The following BMPR1B variants were observed in gnomAD, a reference collection of about 807,000 sequenced individuals.
The protein encoded by BMPR1B is bone morphogenetic protein receptor type 1B, also known as bone morphogenetic protein receptor type-1B.
BMPR1B carries 12 observed loss-of-function variants against 59.1 expected under a neutral mutation model. The ratio of observed to expected loss-of-function variants is 0.20; its 90% CI spans 0.13 to 0.33. The LOEUF is 0.33. Among genes scored for constraint, BMPR1B ranks in the 10% least tolerant of loss-of-function variants. BMPR1B has a pLI of 1.00. For missense variants in BMPR1B, 550 were observed against 610.9 expected (o/e 0.90, Z 1.05); for synonymous variants, 237 against 207.3 (o/e 1.14, Z -1.23).
At chr4:94,784,360 A>T (rs1722691167) in intron 1 of BMPR1B, among the ~76,000 whole-genome samples, 1 of 152,152 alleles carries the variant, frequency 6.6e-6, no homozygotes, top group Admixed American at 6.5e-5. Flanking sequence ...TGTTCCTTGA[A>T]AGTTTGATAG....
chr4:94,790,508 T>G (rs1211305815), intron 1 of BMPR1B, among the ~76,000 whole-genome samples: 1 of 152,164 alleles, frequency 6.6e-6, no homozygotes, highest in African/African-American at 2.4e-5. Flanking sequence ...TCTTGCTGCC[T>G]TCTCCCTTTT....
intron 3 of BMPR1B, chr4:95,103,328 T>C (rs1387378516): frequency 1.1e-5 from 4 of 363,266 alleles, no homozygotes; most frequent in East Asian, 3.3e-4. Flanking sequence ...GCATATCTTA[T>C]ACTTCTGACC....
At chr4:94,941,250 C>T (rs1003043266) in intron 2 of BMPR1B, among the ~76,000 whole-genome samples, 26 of 151,302 alleles carry the variant, frequency 1.7e-4, no homozygotes, top group African/African-American at 5.3e-4. Context: ...GCCAGCATAG[C>T]GAAACCCCAT....
intron 1 of BMPR1B, among the ~76,000 whole-genome samples, chr4:94,855,633 C>G (rs1725726234): frequency 6.6e-6 from 1 of 152,172 alleles, no homozygotes; most frequent in African/African-American, 2.4e-5. Context: ...AAGGGAAAGC[C>G]TGTTTCTAAG....
At chr4:95,080,214 TTATG>T (rs535176092) in intron 3 of BMPR1B, among the ~76,000 whole-genome samples, 2 of 152,128 alleles carry the variant, frequency 1.3e-5, no homozygotes, top group African/African-American at 2.4e-5. Context: ...TTAAAATATT[TTATG>T]TATGTATGTA....
chr4:94,868,927 C>CT (rs1463019182), intron 1 of BMPR1B, among the ~76,000 whole-genome samples: 1 of 152,084 alleles, frequency 6.6e-6, no homozygotes, highest in Non-Finnish European at 1.5e-5. Flanking sequence ...TATGGCACTG[C>CT]TTATTTGCAT....
chr4:94,828,755 C>T (rs1455007696), intron 1 of BMPR1B, among the ~76,000 whole-genome samples: 1 of 152,062 alleles, frequency 6.6e-6, no homozygotes, highest in African/African-American at 2.4e-5. Context: ...CACCCCAAAC[C>T]TATTGAATTA....
chr4:94,945,888 A>G (rs1046906290), intron 2 of BMPR1B, among the ~76,000 whole-genome samples: 1 of 152,208 alleles, frequency 6.6e-6, no homozygotes, highest in African/African-American at 2.4e-5. Flanking sequence ...AAAAATTAAT[A>G]CTGTGATGTG....
intron 3 of BMPR1B, among the ~76,000 whole-genome samples, chr4:95,070,576 T>C (rs1179514056): frequency 6.6e-6 from 1 of 152,014 alleles, no homozygotes; most frequent in Non-Finnish European, 1.5e-5. Context: ...GTCAGTTGAG[T>C]GTGTTGGCCT....
intron 1 of BMPR1B, among the ~76,000 whole-genome samples, chr4:94,847,284 A>C (rs993920668): frequency 6.6e-6 from 1 of 152,242 alleles, no homozygotes; most frequent in Non-Finnish European, 1.5e-5. Context: ...ACAGGCAGTA[A>C]CAAATGCTGT....
chr4:94,969,830 A>G (rs1730704079), intron 2 of BMPR1B, among the ~76,000 whole-genome samples: 1 of 152,190 alleles, frequency 6.6e-6, no homozygotes, highest in African/African-American at 2.4e-5. Flanking sequence ...TATTTGCCTA[A>G]GAAGTATTTG....
At chr4:94,975,852 T>C (rs1731013959) in intron 2 of BMPR1B, among the ~76,000 whole-genome samples, 1 of 152,252 alleles carries the variant, frequency 6.6e-6, no homozygotes. Context: ...TTCTGTGACA[T>C]TTCCCACATA....
At chr4:94,897,941 CTTT>C (rs869186341) in intron 2 of BMPR1B, among the ~76,000 whole-genome samples, 12 of 90,334 alleles carry the variant, frequency 1.3e-4, no homozygotes, top group South Asian at 3.9e-4. Flanking sequence ...AATTCTTTTC[CTTT>C]TTTTTTTTTT....
intron 3 of BMPR1B, among the ~76,000 whole-genome samples, chr4:95,068,596 A>G (rs1728032044): frequency 6.6e-6 from 1 of 152,210 alleles, no homozygotes; most frequent in Non-Finnish European, 1.5e-5. Context: ...TTAATGGCCC[A>G]TGAAAGCAGA....
chr4:94,819,327 A>G (rs1288378580), intron 1 of BMPR1B, among the ~76,000 whole-genome samples: 1 of 152,188 alleles, frequency 6.6e-6, no homozygotes, highest in African/African-American at 2.4e-5. Context: ...TCTTTGTGGC[A>G]TCCGATTCTC....
At chr4:95,056,325 G>A (rs763361934) in intron 3 of BMPR1B, among the ~76,000 whole-genome samples, 2 of 151,986 alleles carry the variant, frequency 1.3e-5, no homozygotes, top group African/African-American at 2.4e-5. Flanking sequence ...ACCTCTCCAT[G>A]TTTCTTTTAA....
intron 2 of BMPR1B, among the ~76,000 whole-genome samples, chr4:94,880,706 A>G (rs1001133977): frequency 6.1e-5 from 9 of 146,942 alleles, no homozygotes; most frequent in African/African-American, 2.3e-4. Flanking sequence ...TGATGAAATC[A>G]TGGCTCACTA....
intron 1 of BMPR1B, among the ~76,000 whole-genome samples, chr4:94,843,976 CAA>C (rs1372068481): frequency 1.4e-5 from 2 of 139,798 alleles, no homozygotes; most frequent in African/African-American, 5.7e-5. Context: ...TTTAGAGAAA[CAA>C]AGAGTAGAAT....
intron 6 of BMPR1B, among the ~76,000 whole-genome samples, chr4:95,122,116 C>T (rs1373435851): frequency 2.0e-5 from 3 of 152,068 alleles, no homozygotes; most frequent in African/African-American, 4.8e-5. Context: ...GACCGAGGAT[C>T]GCTTGAGGCC....
Sources: allele counts gnomAD v4.1 joint callset (sites outside exome capture counted in the v4.1 genomes callset), GRCh38; gene constraint gnomAD v4.1.1; transcripts MANE v1.5; gene names NCBI Gene and HGNC (gene_info 2026-07-23, HGNC 2026-07-21).